Variants in NEUROD2 observed in about 807,000 individuals in gnomAD.
NEUROD2 encodes the protein neurogenic differentiation factor 2.
Under a neutral mutation model 9.3 loss-of-function variants are expected in NEUROD2, and 5 were observed. The observed-to-expected ratio is 0.54, with a 90% CI of 0.28 to 1.13. NEUROD2 has a LOEUF of 1.13. Among genes scored for constraint, NEUROD2 ranks in the 50% most tolerant of loss-of-function variants. The pLI is 0.10. For missense variants in NEUROD2, 376 were observed against 549.2 expected (o/e 0.68, Z 3.15); for synonymous variants, 277 against 257.3 (o/e 1.08, Z -0.73).
At position 39,605,428 on chromosome 17, in the gene NEUROD2, A is replaced by C. The variant is rs1295675771; in HGVS notation, c.*23T>G. ...GGGGGGCGGGCAAAGGCAAAAGAAAAAGAAGGGAGCCGGCGCGAAGTCTCA... is the reference window on the plus strand; with the variant it reads ...GGGGGGCGGGCAAAGGCAAAAGAAACAGAAGGGAGCCGGCGCGAAGTCTCA... On this transcript the variant is annotated 3_prime_UTR_variant, in exon 2 of 2. Transcript: ENST00000302584. This position sits in a 1 kb window ranked among gnomAD's most constrained non-coding sequence, Gnocchi z 6.8. The C allele has an allele frequency of 6.5e-7, 1 of 1,530,820 alleles. No homozygotes were observed. The allele number at this position is 1,530,820 out of a possible 1,614,324, so 94.8% of individuals were successfully genotyped here. A position where few individuals can be genotyped will look rare whatever the true frequency, so the allele number is the denominator to read the frequency against.
chr17:39,605,670 T>C lies in NEUROD2; in HGVS notation c.930A>G (p.Ser310=). ...GGTCGGGCGAGGAGTCCTGCTTGAG[T>C]GAGAAGTTGCCATTGAGACAGAGCG... ...SPPLCLNGNF[S]LKQDSSPDHE... is the part of the protein sequence containing the mutation. The change falls in exon 2 of 2, where the codon TCA becomes TCG. Residue 310 remains serine, a synonymous_variant. Coordinates refer to ENST00000302584, the MANE Select transcript of NEUROD2 (RefSeq NM_006160.4). The surrounding 1 kb of genome is among the most constrained non-coding windows in gnomAD (Gnocchi z 6.8). 6.2e-7 allele frequency: 1 copy of C among 1,611,580 alleles called. No homozygotes were observed. The highest frequency in any genetic ancestry group is 2.2e-5 in the East Asian group (1 of 44,644).
At position 39,607,460 on chromosome 17, in the gene NEUROD2, G is replaced by T. The variant is rs915302007; in HGVS notation, c.-6+268C>A. The T allele has an allele frequency of 3.7e-5, 10 of 268,446 alleles. 1 individual carries two copies. In the East Asian group the frequency reaches 1.2e-3, roughly 33 times the overall value. The allele number at this position is 268,446 out of a possible 1,614,324, so 16.6% of individuals were successfully genotyped here. On this transcript the variant is annotated intron_variant, in intron 1 of 1. Transcript: ENST00000302584. ...CAGGCTTTTTGGGACAACCATGGAG[G>T]GGTCCTCCGTCTCGGCCTCTTCGCA...
chr17:39,605,458 T>C lies in NEUROD2; in HGVS notation c.1142A>G (p.His381Arg), dbSNP rs1366328120. 1 of 1,575,562 alleles carries C rather than the reference T, an allele frequency of 6.3e-7. No individual in the cohort carries two copies. The highest frequency in any genetic ancestry group is 2.3e-5 in the East Asian group (1 of 42,596). The part of the protein sequence containing the change: ...PMYEELNAFF[H>R]N ...GGGAGCCGGCGCGAAGTCTCAGTTATGAAAAAACGCATTGAGCTCCTCGTA... is the reference window on the plus strand; with the variant it reads ...GGGAGCCGGCGCGAAGTCTCAGTTACGAAAAAACGCATTGAGCTCCTCGTA... Residue 381 changes from histidine (H) to arginine (R), a missense_variant, in exon 2 of 2, where the codon CAT becomes CGT. Transcript: ENST00000302584. The surrounding 1 kb of genome is among the most constrained non-coding windows in gnomAD (Gnocchi z 6.8).
Position 39,606,377 on chromosome 17 carries a change from C to T in NEUROD2, c.223G>A (p.Glu75Lys). ...GTEATLAEVK[E>K]EGELGGEEEE... Reference sequence around the variant, plus strand: ...TCCTCTCCCCCCAGCTCGCCTTCCTCCTTGACCTCGGCCAACGTGGCCTCC... The same window carrying T: ...TCCTCTCCCCCCAGCTCGCCTTCCTTCTTGACCTCGGCCAACGTGGCCTCC... Residue 75 changes from glutamate (E) to lysine (K), a missense_variant, in exon 2 of 2, where the codon GAG (glutamate) becomes AAG (lysine). By Grantham distance (56) the Glu-to-Lys change is moderately conservative. Coordinates refer to ENST00000302584, the MANE Select transcript of NEUROD2 (RefSeq NM_006160.4). This position sits in a 1 kb window ranked among gnomAD's most constrained non-coding sequence, Gnocchi z 7.8. 6.4e-7 allele frequency: 1 copy of T among 1,561,470 alleles called. No homozygotes were observed.
rs1318742033 is a variant in NEUROD2, at chr17:39,606,081, G to A, written c.519C>T (p.Leu173=). The part of the protein sequence containing the change: ...LRLAKNYIWA[L]SEILRSGKRP... Reference sequence around the variant, plus strand: ...GCTTGCCGGAGCGCAGGATCTCCGAGAGCGCCCAGATATAGTTCTTGGCTA... The same window carrying A: ...GCTTGCCGGAGCGCAGGATCTCCGAAAGCGCCCAGATATAGTTCTTGGCTA... Residue 173 remains leucine, a synonymous_variant, in exon 2 of 2, where the codon CTC becomes CTT. Coordinates refer to ENST00000302584, the MANE Select transcript of NEUROD2 (RefSeq NM_006160.4). The surrounding 1 kb of genome is among the most constrained non-coding windows in gnomAD (Gnocchi z 7.8). 3.1e-6 allele frequency: 5 copies of A among 1,613,934 alleles called. No homozygotes were observed. The highest frequency in any genetic ancestry group is 4.2e-6 in the Non-Finnish European group (5 of 1,179,936).
In NEUROD2 at chr17:39,606,349, T is replaced by C. The variant is rs1451684564; in HGVS notation, c.251A>G (p.Glu84Gly). ...TCCTTCTTCCTCCTCCTCTTCCTCC[T>C]CCTCCTCTCCCCCCAGCTCGCCTTC... ...KEEGELGGEEEEEEEEEEGLD... is the reference protein window; with the variant it reads ...KEEGELGGEEGEEEEEEEGLD... The change falls in exon 2 of 2, where the codon GAG becomes GGG. Residue 84 changes from glutamate to glycine, a missense_variant. Coordinates refer to ENST00000302584, the MANE Select transcript of NEUROD2 (RefSeq NM_006160.4). This position sits in a 1 kb window ranked among gnomAD's most constrained non-coding sequence, Gnocchi z 7.8. 6.3e-7 allele frequency: 1 copy of C among 1,580,860 alleles called. No homozygotes were observed. Among genetic ancestry groups the C allele is most frequent in the Non-Finnish European group, 8.6e-7 (1 of 1,166,352 alleles).
intron 1 of NEUROD2, 69 bp downstream of exon 1, chr17:39,607,659 T>A (rs1040798203): frequency 3.0e-6 from 3 of 984,028 alleles, no homozygotes; most frequent in Admixed American, 6.2e-5. Flanking sequence ...AGGACCCTCC[T>A]GTCGGCCGAA....
rs1438097549 is a variant in NEUROD2, at chr17:39,607,523, G to C, written c.-6+205C>G. ...TGATCCTGCCTTCCCCCCCCACCGAGCCCATCGCAGGCAGAGACACCTCCT... is the reference window on the plus strand; with the variant it reads ...TGATCCTGCCTTCCCCCCCCACCGACCCCATCGCAGGCAGAGACACCTCCT... On this transcript the variant is annotated intron_variant, in intron 1 of 1. Coordinates refer to ENST00000302584, the MANE Select transcript of NEUROD2 (RefSeq NM_006160.4). 6.5e-6 allele frequency: 5 copies of C among 774,964 alleles called. No homozygotes were observed. The African/African-American group carries it at 9.4e-5, about 15-fold the overall frequency. The allele number at this position is 774,964 out of a possible 1,614,324, so 48.0% of individuals were successfully genotyped here. A position where few individuals can be genotyped will look rare whatever the true frequency, so the allele number is the denominator to read the frequency against.
chr17:39,607,641 G>A (rs1597768053), intron 1 of NEUROD2, 87 bp downstream of exon 1: 20 of 985,250 alleles, frequency 2.0e-5, no homozygotes, highest in Non-Finnish European at 2.3e-5. Flanking sequence ...CCAGGAAGGA[G>A]GTATTTGAGG....
chr17:39,607,498 T>A, intron 1 of NEUROD2: 1 of 595,806 alleles, frequency 1.7e-6, no homozygotes, highest in Non-Finnish European at 2.1e-6. Flanking sequence ...TCCCCCTCCG[T>A]GATCCTGCCT....
rs564376395 is a variant in NEUROD2, at chr17:39,606,636, C to T, written c.-5-32G>A. 2,619 of 1,510,578 alleles carry T rather than the reference C, an allele frequency of 1.7e-3. 6 individuals carry two copies. Among genetic ancestry groups the T allele is most frequent in the Non-Finnish European group, 2.0e-3 (2,317 of 1,139,852 alleles). 93.6% of individuals were successfully genotyped at this position (1,510,578 alleles called of 1,614,324 possible). ...GCGCCCCGCGGGCGGGAAGGGGAGACAGACAGCACAAAGTGAGGGGCGCGC... is the reference window on the plus strand; with the variant it reads ...GCGCCCCGCGGGCGGGAAGGGGAGATAGACAGCACAAAGTGAGGGGCGCGC... On this transcript the variant is annotated intron_variant, in intron 1 of 1. Transcript: ENST00000302584. This position sits in a 1 kb window ranked among gnomAD's most constrained non-coding sequence, Gnocchi z 7.8.
At position 39,606,323 on chromosome 17, in the gene NEUROD2, G is replaced by C. The variant is rs759668851; in HGVS notation, c.277C>G (p.Leu93Val). ...EEEEEEEEEG[L>V]DEAEGERPKK... ...GGCCGCTCGCCCTCCGCCTCGTCCA[G>C]TCCTTCTTCCTCCTCCTCTTCCTCC... The change falls in exon 2 of 2, where the codon CTG becomes GTG. Residue 93 changes from leucine to valine, a missense_variant. Physicochemically the swap from Leu to Val is conservative, Grantham distance 32. Transcript: ENST00000302584. This position sits in a 1 kb window ranked among gnomAD's most constrained non-coding sequence, Gnocchi z 7.8. The C allele has an allele frequency of 3.7e-6, 6 of 1,600,188 alleles. No individual in the cohort carries two copies. In the Admixed American group the frequency reaches 5.1e-5, roughly 14 times the overall value.
Position 39,606,471 on chromosome 17 carries a change from C to T in NEUROD2, c.129G>A (p.Ala43=). 2 of 1,534,304 alleles carry T rather than the reference C, an allele frequency of 1.3e-6. No individual in the cohort carries two copies. The highest frequency in any genetic ancestry group is 1.7e-6 in the Non-Finnish European group (2 of 1,146,318). ...KGDAPPPPPP[A]PGPGAPGPAR... ...CTGGCCCCGGAGCCCCTGGCCCGGG[C>T]GCAGGCGGTGGCGGTGGCGGCGCGT... The change falls in exon 2 of 2, where the codon GCG becomes GCA. Residue 43 remains alanine (A), a synonymous_variant. Transcript: ENST00000302584. This position sits in a 1 kb window ranked among gnomAD's most constrained non-coding sequence, Gnocchi z 7.8.
Position 39,605,496 on chromosome 17 carries a change from G to T in NEUROD2, c.1104C>A (p.Asp368Glu). 6.2e-7 allele frequency: 1 copy of T among 1,609,390 alleles called. No homozygotes were observed. Among genetic ancestry groups the T allele is most frequent in the Non-Finnish European group, 8.5e-7 (1 of 1,177,450 alleles). Reference sequence around the variant, plus strand: ...TGAGCTCCTCGTACATGGGGCCCCGGTCGTGGTGAAGGTGCATATCGTAAG... The same window carrying T: ...TGAGCTCCTCGTACATGGGGCCCCGTTCGTGGTGAAGGTGCATATCGTAAG... ...LLSYDMHLHH[D>E]RGPMYEELNA... Residue 368 changes from aspartate (D) to glutamate (E), a missense_variant, in exon 2 of 2, where the codon GAC (aspartate) becomes GAA (glutamate). Asp to Glu is a conservative substitution (Grantham distance 45, BLOSUM62 2). Around this residue, in one of 3 missense-constraint regions of NEUROD2, gnomAD observed 193 missense variants for 255.8 expected, o/e 0.75. Coordinates refer to ENST00000302584, the MANE Select transcript of NEUROD2 (RefSeq NM_006160.4). The surrounding 1 kb of genome is among the most constrained non-coding windows in gnomAD (Gnocchi z 6.8).
Position 39,605,341 on chromosome 17 carries a change from G to C in NEUROD2, c.*110C>G. ...AGGAGAGCGGCAGGACCGGTGGCCC[G>C]CTCCCCGCGCCCGGCGCCGGGGTAG... is the stretch of plus-strand genomic sequence containing the variant. On this transcript the variant is annotated 3_prime_UTR_variant, in exon 2 of 2. Transcript: ENST00000302584. The surrounding 1 kb of genome is among the most constrained non-coding windows in gnomAD (Gnocchi z 6.8). 1 of 1,384,632 alleles carries C rather than the reference G, an allele frequency of 7.2e-7. No individual in the cohort carries two copies. 85.8% of individuals were successfully genotyped at this position (1,384,632 alleles called of 1,614,324 possible).
In NEUROD2 at chr17:39,605,268, G is replaced by C. The variant is rs907761368; in HGVS notation, c.*183C>G. The C allele has an allele frequency of 7.3e-6, 5 of 687,420 alleles. No homozygotes were observed. Among genetic ancestry groups the C allele is most frequent in the Non-Finnish European group, 6.9e-6 (3 of 436,528 alleles). 42.6% of individuals were successfully genotyped at this position (687,420 alleles called of 1,614,324 possible). ...AGAAGGCGAGTCCCCTGGGGGAAGC[G>C]AGGCCCCTGGGACAGGCCACCCACA... On this transcript the variant is annotated 3_prime_UTR_variant, in exon 2 of 2. Transcript: ENST00000302584. This position sits in a 1 kb window ranked among gnomAD's most constrained non-coding sequence, Gnocchi z 6.8.
Position 39,605,214 on chromosome 17 carries a change from G to A in NEUROD2, c.*237C>T. 4.3e-6 allele frequency: 2 copies of A among 461,918 alleles called. No homozygotes were observed. Among genetic ancestry groups the A allele is most frequent in the Non-Finnish European group, 7.6e-6 (2 of 263,796 alleles). 28.6% of individuals were successfully genotyped at this position (461,918 alleles called of 1,614,324 possible). On this transcript the variant is annotated 3_prime_UTR_variant, in exon 2 of 2. Coordinates refer to ENST00000302584, the MANE Select transcript of NEUROD2 (RefSeq NM_006160.4). This position sits in a 1 kb window ranked among gnomAD's most constrained non-coding sequence, Gnocchi z 6.8. ...GTCCCTGGAGAAGCACTCCTTGGGA[G>A]AGAGGAGGAGGGAACCCCTTGGGGA...
Position 39,606,490 on chromosome 17 carries a change from G to C in NEUROD2, c.110C>G (p.Pro37Arg). 1.9e-6 allele frequency: 3 copies of C among 1,540,782 alleles called. No individual in the cohort carries two copies. Among genetic ancestry groups the C allele is most frequent in the Non-Finnish European group, 8.7e-7 (1 of 1,149,902 alleles). The change falls in exon 2 of 2, where the codon CCG (proline) becomes CGG (arginine). Residue 37 changes from proline to arginine, a missense_variant. Around this residue, in one of 3 missense-constraint regions of NEUROD2, gnomAD observed 134 missense variants for 133.6 expected, o/e 1.00. Transcript: ENST00000302584. This position sits in a 1 kb window ranked among gnomAD's most constrained non-coding sequence, Gnocchi z 7.8. ...CCCGGGCGCAGGCGGTGGCGGTGGC[G>C]GCGCGTCGCCCTTGTCGCTCCTCGG... ...DEPRSDKGDA[P>R]PPPPPAPGPG...
chr17:39,607,716 C>A lies in NEUROD2; in HGVS notation c.-6+12G>T. On this transcript the variant is annotated intron_variant, in intron 1 of 1. Transcript: ENST00000302584. The stretch of plus-strand genomic sequence containing the variant: ...CGGCGGGTCAGATCTCGCTCCCTTT[C>A]GGACAACTTACCTCGGAGAGGAGTC... The A allele has an allele frequency of 1.2e-6, 1 of 822,008 alleles. No homozygotes were observed. Among genetic ancestry groups the A allele is most frequent in the Non-Finnish European group, 1.5e-6 (1 of 685,574 alleles). The allele number at this position is 822,008 out of a possible 1,614,324, so 50.9% of individuals were successfully genotyped here. A position where few individuals can be genotyped will look rare whatever the true frequency, so the allele number is the denominator to read the frequency against.
Sources: gnomAD v4.1 joint callset for allele counts on GRCh38, gnomAD v4.1.1 for gene constraint, gnomAD v4.1.1 regional missense constraint, Gnocchi (gnomAD v3.1) non-coding constraint, MANE v1.5 for transcripts, NCBI Gene and HGNC (gene_info 2026-07-23, HGNC 2026-07-21) for gene names.